Variants in PTGFR observed in about 807,000 individuals in gnomAD.
PTGFR encodes prostaglandin F2-alpha receptor.
A neutral mutation model predicts 26.2 loss-of-function variants in PTGFR; 15 were observed. That is an observed-to-expected ratio of 0.57 (90% CI 0.38 to 0.88). The LOEUF is 0.88. Among genes scored for constraint, PTGFR ranks in the 40% least tolerant of loss-of-function variants. PTGFR has a pLI of 0.00. For missense variants in PTGFR, 369 were observed against 427.2 expected, an observed-to-expected ratio of 0.86 and a Z score of 1.20; for synonymous variants, 165 against 151.1, an observed-to-expected ratio of 1.09 and a Z score of -0.68.
At chr1:78,499,625 T>A (rs753864146) in intron 2 of PTGFR, among the ~76,000 whole-genome samples, 2 of 152,138 alleles carry the variant, frequency 1.3e-5, no homozygotes, top group Admixed American at 1.3e-4. Context: ...GCTGGAGAGG[T>A]CTGAGAGGGA....
chr1:78,527,342 A>T (rs989913595), intron 2 of PTGFR, among the ~76,000 whole-genome samples: 1 of 152,070 alleles, frequency 6.6e-6, no homozygotes. Context: ...ATTTTAGACA[A>T]TGATTGATGG....
At chr1:78,519,715 T>G (rs1251445788) in intron 2 of PTGFR, among the ~76,000 whole-genome samples, 2 of 152,118 alleles carry the variant, frequency 1.3e-5, no homozygotes, top group Admixed American at 1.3e-4. Context: ...GCCCATGGCC[T>G]TCCAAGGAAC....
rs764469604 is a variant in PTGFR, at chr1:78,540,595, G to A, written c.*3908G>A. 6.6e-6 allele frequency among the ~76,000 whole-genome samples: 1 copy of A among 152,068 alleles called. No individual in the cohort carries two copies. The highest frequency in any genetic ancestry group is 2.4e-5 in the African/African-American group (1 of 41,424). On this transcript the variant is annotated 3_prime_UTR_variant, in exon 3 of 3. Coordinates refer to ENST00000370757, the MANE Select transcript of PTGFR (RefSeq NM_000959.4). ...ATATAATAGAAAGAGGGAAATCTTG[G>A]TTCTTAAAAATTCAGGCAATTGAAA... is the stretch of plus-strand genomic sequence containing the variant.
At position 78,507,011 on chromosome 1, in the gene PTGFR, A is replaced by G. The variant is rs191024868; in HGVS notation, c.798+13470A>G. Among the ~76,000 whole-genome samples the G allele has an allele frequency of 3.9e-5, 6 of 152,302 alleles. No homozygotes were observed. In the East Asian group the frequency reaches 1.2e-3, roughly 29 times the overall value. On this transcript the variant is annotated intron_variant, in intron 2 of 2. Transcript: ENST00000370757. Reference sequence around the variant, plus strand: ...AAACAGCAGCTCAAATACCATTTAAATTATTTTATCCTTAACTAGGTTACA... The same window carrying G: ...AAACAGCAGCTCAAATACCATTTAAGTTATTTTATCCTTAACTAGGTTACA...
intron 2 of PTGFR, among the ~76,000 whole-genome samples, chr1:78,532,915 T>G (rs1343410759): frequency 2.6e-5 from 4 of 152,154 alleles, no homozygotes; most frequent in Non-Finnish European, 5.9e-5. Flanking sequence ...TTTCTTGTAA[T>G]GTACTATGAA....
intron 2 of PTGFR, among the ~76,000 whole-genome samples, chr1:78,520,519 A>G (rs1224055485): frequency 6.6e-6 from 1 of 152,128 alleles, no homozygotes; most frequent in Non-Finnish European, 1.5e-5. Flanking sequence ...AGTGTAATAA[A>G]GAAATTTCCG....
chr1:78,498,895 G>A (rs1041051584), intron 2 of PTGFR, among the ~76,000 whole-genome samples: 1 of 152,166 alleles, frequency 6.6e-6, no homozygotes, highest in African/African-American at 2.4e-5. Flanking sequence ...GCAGCAGTGA[G>A]GTTGTCTGGA....
chr1:78,506,429 G>T (rs1247332691), intron 2 of PTGFR, among the ~76,000 whole-genome samples: 1 of 151,742 alleles, frequency 6.6e-6, no homozygotes, highest in African/African-American at 2.4e-5. Context: ...TTTAATATTA[G>T]AATTATTCCA....
In PTGFR at chr1:78,540,381, C is replaced by T. The variant is rs1650767495; in HGVS notation, c.*3694C>T. Among the ~76,000 whole-genome samples the T allele has an allele frequency of 6.6e-6, 1 of 152,040 alleles. No homozygotes were observed. Among genetic ancestry groups the T allele is most frequent in the South Asian group, 2.1e-4 (1 of 4,826 alleles). On this transcript the variant is annotated 3_prime_UTR_variant, in exon 3 of 3. Transcript: ENST00000370757. ...TTCCACATTAGGTAAAAAAAATTTT[C>T]ATTCTTGTCTTCCTAATAGCATTTA...
At chr1:78,519,464 T>C (rs1218426167) in intron 2 of PTGFR, among the ~76,000 whole-genome samples, 1 of 152,120 alleles carries the variant, frequency 6.6e-6, no homozygotes, top group Non-Finnish European at 1.5e-5. Flanking sequence ...AAGCATCCAG[T>C]GAAAGGTGCT....
intron 2 of PTGFR, among the ~76,000 whole-genome samples, chr1:78,504,625 C>T (rs920950510): frequency 6.6e-6 from 1 of 152,022 alleles, no homozygotes; most frequent in Non-Finnish European, 1.5e-5. Context: ...TTAAAAAATG[C>T]TTTTCTCAGG....
intron 2 of PTGFR, among the ~76,000 whole-genome samples, chr1:78,503,173 G>T (rs1649750698): frequency 6.6e-6 from 1 of 151,836 alleles, no homozygotes. Flanking sequence ...AATACAGCAG[G>T]TTATAATAAG....
intron 2 of PTGFR, among the ~76,000 whole-genome samples, chr1:78,525,945 A>T (rs949138465): frequency 3.3e-5 from 5 of 152,092 alleles, no homozygotes; most frequent in Non-Finnish European, 7.4e-5. Context: ...AAATCTTAGA[A>T]ACTGTTCCAA....
intron 2 of PTGFR, among the ~76,000 whole-genome samples, chr1:78,509,132 A>T (rs1212821111): frequency 6.6e-6 from 1 of 152,200 alleles, no homozygotes; most frequent in Non-Finnish European, 1.5e-5. Context: ...TACTACTTAC[A>T]TTCTCCCACC....
chr1:78,535,251 T>C (rs1393728224), intron 2 of PTGFR, among the ~76,000 whole-genome samples: 1 of 151,988 alleles, frequency 6.6e-6, no homozygotes, highest in African/African-American at 2.4e-5. Flanking sequence ...AAAGATGAGG[T>C]CTTCACAGTG....
Position 78,536,807 on chromosome 1 carries a change from A to G in PTGFR, c.*120A>G. 1 of 1,102,690 alleles carries G rather than the reference A, an allele frequency of 9.1e-7. No homozygotes were observed. The highest frequency in any genetic ancestry group is 1.2e-6 in the Non-Finnish European group (1 of 800,342). The allele number at this position is 1,102,690 out of a possible 1,614,324, so 68.3% of individuals were successfully genotyped here. ...AATTCAGGCTTCATCATGTAGTTTG[A>G]AGATACTATTGTCAGATTCAGGTTT... On this transcript the variant is annotated 3_prime_UTR_variant, in exon 3 of 3. Transcript: ENST00000370757.
intron 1 of PTGFR, among the ~76,000 whole-genome samples, chr1:78,491,671 G>C (rs189851881): frequency 4.5e-4 from 69 of 152,314 alleles, no homozygotes; most frequent in African/African-American, 1.5e-3. Flanking sequence ...CCGAAGGGCG[G>C]GGGGGATAGT....
In PTGFR at chr1:78,538,014, T is replaced by G. The variant is rs1215403865; in HGVS notation, c.*1327T>G. The G allele has an allele frequency of 2.6e-5, 4 of 152,158 alleles. No homozygotes were observed. Among genetic ancestry groups the G allele is most frequent in the African/African-American group, 2.4e-5 (1 of 41,458 alleles). 9.4% of individuals were successfully genotyped at this position (152,158 alleles called of 1,614,324 possible). A position where few individuals can be genotyped will look rare whatever the true frequency, so the allele number is the denominator to read the frequency against. The stretch of plus-strand genomic sequence containing the variant: ...ATAAGAGTTCTTTGCTTTCATTAAC[T>G]TGGATTCATTTAAAAATTAATCTTC... On this transcript the variant is annotated 3_prime_UTR_variant, in exon 3 of 3. Transcript: ENST00000370757.
At chr1:78,529,869 T>C (rs1265065050) in intron 2 of PTGFR, among the ~76,000 whole-genome samples, 1 of 152,120 alleles carries the variant, frequency 6.6e-6, no homozygotes, top group African/African-American at 2.4e-5. Flanking sequence ...TAGATTCTCA[T>C]AGGAGCACAA....
Sources: gnomAD v4.1 joint callset for allele counts (sites outside exome capture counted in the v4.1 genomes callset) on GRCh38, gnomAD v4.1.1 for gene constraint, MANE v1.5 for transcripts, NCBI Gene and HGNC (gene_info 2026-07-23, HGNC 2026-07-21) for gene names.